ZBTB4: variants seen among roughly 807,000 people sequenced by gnomAD.
ZBTB4 encodes the protein zinc finger and BTB domain containing 4.
In ZBTB4, 14 loss-of-function variants were observed where a neutral mutation model predicts 59.8. The observed-to-expected ratio is 0.23, with a 90% CI of 0.15 to 0.37. The LOEUF (loss-of-function observed/expected upper bound fraction) is 0.37, where lower values mean the gene tolerates loss of function less well. Among genes scored for constraint, ZBTB4 ranks in the 10% least tolerant of loss-of-function variants. ZBTB4 has a pLI of 1.00. For synonymous variants in ZBTB4, 587 were observed against 575.2 expected (o/e 1.02, Z -0.29); for missense variants, 1,198 against 1,380.8 (o/e 0.87, Z 2.10).
intron 1 of ZBTB4, among the ~76,000 whole-genome samples, chr17:7,475,236 G>T (rs1217759307): frequency 3.3e-5 from 5 of 151,700 alleles, no homozygotes; most frequent in Non-Finnish European, 5.9e-5. Context: ...AGCTACCCGG[G>T]AGGCTGAGGC....
At chr17:7,464,825 G>A (rs1231610995) in intron 3 of ZBTB4, among the ~76,000 whole-genome samples, 1 of 148,212 alleles carries the variant, frequency 6.7e-6, no homozygotes, top group Non-Finnish European at 1.5e-5. Context: ...GGGACAGAGC[G>A]AGACTCGGTC....
In ZBTB4 at chr17:7,465,869, G is replaced by A. The variant is rs112556486; in HGVS notation, c.933C>T (p.Cys311=). 1,310 of 1,614,138 alleles carry A rather than the reference G, an allele frequency of 8.1e-4. 17 individuals are homozygous for A. The African/African-American group carries it at 0.015, about 18-fold the overall frequency. Residue 311 remains cysteine (C), a synonymous_variant, in exon 3 of 4, where the codon TGC becomes TGT. Coordinates refer to ENST00000380599, the MANE Select transcript of ZBTB4 (RefSeq NM_001128833.2). The part of the protein sequence containing the change: ...KVVGGHVLYV[C]AACERSYVTL... ...TCACGTAGGAACGCTCGCAGGCCGC[G>A]CACACATACAGCACGTGGCCGCCCA...
intron 1 of ZBTB4, among the ~76,000 whole-genome samples, chr17:7,478,988 A>C (rs1597782500): frequency 6.7e-6 from 1 of 149,894 alleles, no homozygotes. Flanking sequence ...CGCCCTGCGC[A>C]CCCCGCACAC....
chr17:7,472,295 A>T (rs1277258910), intron 1 of ZBTB4, among the ~76,000 whole-genome samples: 1 of 151,508 alleles, frequency 6.6e-6, no homozygotes, highest in Non-Finnish European at 1.5e-5. Context: ...GGTTCAAGCG[A>T]TTCTCCTGCC....
intron 1 of ZBTB4, among the ~76,000 whole-genome samples, chr17:7,478,505 C>T (rs2070300119): frequency 6.6e-6 from 1 of 152,158 alleles, no homozygotes; most frequent in African/African-American, 2.4e-5. Context: ...GGGACCCAGA[C>T]GTGACGCCTT....
At chr17:7,475,772 G>T (rs2070260975) in intron 1 of ZBTB4, among the ~76,000 whole-genome samples, 1 of 152,120 alleles carries the variant, frequency 6.6e-6, no homozygotes, top group South Asian at 2.1e-4. Context: ...GGAAACCGAG[G>T]CTCAGAGAGG....
rs1275156860 is a variant in ZBTB4 at position 7,466,673 on chromosome 17, A to G, written c.129T>C (p.Ala43=). Residue 43 remains alanine, a synonymous_variant, in exon 3 of 4, where the codon GCT becomes GCC. Coordinates refer to ENST00000380599, the MANE Select transcript of ZBTB4 (RefSeq NM_001128833.2). This position sits in a 1 kb window ranked among gnomAD's most constrained non-coding sequence, Gnocchi z 9.1. ...TTGAAGCAGCCAGGACGCTGCGGTG[A>G]GCAGGGAACTTGGTGTCTCCGGCTA... ...TLIAGDTKFP[A]HRSVLAASSP... The G allele has an allele frequency of 3.1e-6, 5 of 1,612,840 alleles. No individual in the cohort carries two copies. The highest frequency in any genetic ancestry group is 4.2e-6 in the Non-Finnish European group (5 of 1,179,678).
chr17:7,479,993 T>C (rs1421565183), upstream of ZBTB4, among the ~76,000 whole-genome samples: 1 of 151,892 alleles, frequency 6.6e-6, no homozygotes, highest in Admixed American at 6.6e-5. Context: ...AGACATGACA[T>C]GGCAGACTCA....
chr17:7,481,454 G>A (rs2070344233), upstream of ZBTB4: 3 of 1,431,540 alleles, frequency 2.1e-6, no homozygotes, highest in Admixed American at 5.9e-5. Flanking sequence ...ATGTCACAAT[G>A]GCTGGAGCTC....
Position 7,476,828 on chromosome 17 carries a change from T to C in ZBTB4, c.-81+2628A>G, listed in dbSNP as rs146307853. Among the ~76,000 whole-genome samples the C allele has an allele frequency of 5.6e-4, 85 of 152,268 alleles. No individual in the cohort carries two copies. In the East Asian group the frequency reaches 0.011, roughly 20 times the overall value. ...GAAATGGACTGCTGCAAATGCTAAG[T>C]TCTGCAGCAACTGGGGAGAAGAGTG... On this transcript the variant is annotated intron_variant, in intron 1 of 3. Transcript: ENST00000380599.
intron 1 of ZBTB4, among the ~76,000 whole-genome samples, chr17:7,473,606 G>A (rs1182898704): frequency 6.6e-6 from 1 of 151,922 alleles, no homozygotes; most frequent in Non-Finnish European, 1.5e-5. Context: ...CAGTACAATG[G>A]TGAGATTGAG....
intron 1 of ZBTB4, among the ~76,000 whole-genome samples, chr17:7,468,142 G>A (rs1236833987): frequency 6.6e-6 from 1 of 152,182 alleles, no homozygotes; most frequent in Non-Finnish European, 1.5e-5. Context: ...AGGCCAAGAG[G>A]GGTGGATCAC....
intron 1 of ZBTB4, among the ~76,000 whole-genome samples, chr17:7,474,505 A>G (rs1013214586): frequency 2.6e-5 from 4 of 152,268 alleles, no homozygotes; most frequent in African/African-American, 9.6e-5. Flanking sequence ...GGTGTGAGCC[A>G]CAGCGCCCGG....
At chr17:7,482,069 C>T, upstream of ZBTB4, 1 of 1,614,108 alleles carries the variant, frequency 6.2e-7, no homozygotes, top group Admixed American at 1.7e-5. Flanking sequence ...CCGCTGGCAC[C>T]AGTGCTGCCA....
intron 1 of ZBTB4, among the ~76,000 whole-genome samples, chr17:7,472,462 T>A (rs544725833): frequency 6.6e-6 from 1 of 151,414 alleles, no homozygotes; most frequent in South Asian, 2.1e-4. Flanking sequence ...GGGCTGGGAT[T>A]ACAGGCATGA....
intron 1 of ZBTB4, 22 bp from the exon 2 acceptor site, chr17:7,467,349 G>A: frequency 2.7e-6 from 2 of 751,234 alleles, no homozygotes; most frequent in Non-Finnish European, 3.2e-6. Context: ...CAGAAATTAT[G>A]TCAGGGGAAC....
Position 7,462,281 on chromosome 17 carries a change from C to A in ZBTB4, c.2701G>T (p.Ala901Ser). Reference sequence around the variant, plus strand: ...CCCTCCATCCGGTCCCCCTCACCAGCCCCCACTGGCCCTTCACTCCCAGAT... The same window carrying A: ...CCCTCCATCCGGTCCCCCTCACCAGACCCCACTGGCCCTTCACTCCCAGAT... ...GKSGSEGPVG[A>S]GEGDRMEGIG... The change falls in exon 4 of 4, where the codon GCT becomes TCT. Residue 901 changes from alanine to serine, a missense_variant. By Grantham distance (99) the Ala-to-Ser change is moderately conservative (BLOSUM62 1). This residue lies in a region of ZBTB4 where 211 missense variants were observed against 236.1 expected (regional missense o/e 0.89). Coordinates refer to ENST00000380599, the MANE Select transcript of ZBTB4 (RefSeq NM_001128833.2). This position sits in a 1 kb window ranked among gnomAD's most constrained non-coding sequence, Gnocchi z 7.5. 6.2e-7 allele frequency: 1 copy of A among 1,613,774 alleles called. No individual in the cohort carries two copies.
upstream of ZBTB4, chr17:7,483,995 C>CCCGCT (rs2070380594): frequency 6.6e-6 from 1 of 151,862 alleles, no homozygotes; most frequent in South Asian, 2.1e-4. Context: ...CCCGCCCCGC[C>CCCGCT]GCCATTACCG....
chr17:7,482,391 G>T (rs1318894034), upstream of ZBTB4: 1 of 1,613,994 alleles, frequency 6.2e-7, no homozygotes, highest in Non-Finnish European at 8.5e-7. Context: ...GTTCGCAAAG[G>T]TTCTTCCACC....
Sources: allele counts gnomAD v4.1 joint callset (sites outside exome capture counted in the v4.1 genomes callset), GRCh38; gene constraint gnomAD v4.1.1; regional missense constraint gnomAD v4.1.1; non-coding constraint Gnocchi (gnomAD v3.1); transcripts MANE v1.5; gene names NCBI Gene and HGNC (gene_info 2026-07-23, HGNC 2026-07-21).